The following HS6ST1 variants were observed in gnomAD, a reference collection of about 807,000 sequenced individuals.
HS6ST1 encodes heparan sulfate 6-O-sulfotransferase 1.
A neutral mutation model predicts 25.2 loss-of-function variants in HS6ST1; 3 were observed. That is an observed-to-expected ratio of 0.12 (90% CI 0.05 to 0.31). HS6ST1 has a LOEUF of 0.31. HS6ST1 is among the 10% of genes least tolerant of loss of function. The pLI, the probability that HS6ST1 is intolerant of heterozygous loss-of-function variation, is 1.00. For synonymous variants in HS6ST1, 204 were observed against 275.1 expected (o/e 0.74, Z 2.56); for missense variants, 310 against 609.6 (o/e 0.51, Z 5.18).
At chr2:128,294,478 G>A (rs1359996471) in intron 1 of HS6ST1, among the ~76,000 whole-genome samples, 1 of 152,218 alleles carries the variant, frequency 6.6e-6, no homozygotes, top group East Asian at 1.9e-4. Context: ...GCCTGTCAGA[G>A]TCAAGAGGCG....
intron 1 of HS6ST1, among the ~76,000 whole-genome samples, chr2:128,302,800 G>C (rs1380978320): frequency 6.6e-6 from 1 of 152,112 alleles, no homozygotes; most frequent in African/African-American, 2.4e-5. Flanking sequence ...GGCCTCTTCC[G>C]CAACGGCCCC....
chr2:128,307,158 C>T (rs1455599342), intron 1 of HS6ST1, among the ~76,000 whole-genome samples: 2 of 152,150 alleles, frequency 1.3e-5, no homozygotes. Flanking sequence ...CTGTGAGGGG[C>T]CCTGGCACGT....
intron 1 of HS6ST1, among the ~76,000 whole-genome samples, chr2:128,294,055 C>A (rs1217006971): frequency 2.0e-5 from 3 of 152,104 alleles, no homozygotes; most frequent in East Asian, 3.9e-4. Context: ...GAGGGCAGGG[C>A]CCTGCCCTCT....
intron 1 of HS6ST1, among the ~76,000 whole-genome samples, chr2:128,290,376 G>C (rs1693933804): frequency 6.6e-6 from 1 of 151,910 alleles, no homozygotes; most frequent in Non-Finnish European, 1.5e-5. Context: ...TACCGAAGTT[G>C]GACAAATGCA....
chr2:128,291,730 T>C (rs912030500), intron 1 of HS6ST1, among the ~76,000 whole-genome samples: 1 of 152,190 alleles, frequency 6.6e-6, no homozygotes, highest in Non-Finnish European at 1.5e-5. Flanking sequence ...CTGCTTTCCA[T>C]CACTTGGCCC....
rs1693505301 is a variant in HS6ST1 at position 128,266,011 on chromosome 2, AAATGCAGCGAAGAGACTGAGACAAG to A, written c.*2126_*2150del. On this transcript the variant is annotated 3_prime_UTR_variant, in exon 2 of 2. Transcript: ENST00000259241. ...CTGGCCCGAGAGGAGACTGCTTTCC[AAATGCAGCGAAGAGACTGAGACAAG>A]ACCCGTGCTTCCGTGTGAGTTGGGA... 3 of 151,414 alleles carry A rather than the reference AAATGCAGCGAAGAGACTGAGACAAG, an allele frequency of 2.0e-5. No homozygotes were observed. 9.4% of individuals were successfully genotyped at this position (151,414 alleles called of 1,614,324 possible). A position where few individuals can be genotyped will look rare whatever the true frequency, so the allele number is the denominator to read the frequency against.
At chr2:128,286,256 C>A (rs1002053101) in intron 1 of HS6ST1, among the ~76,000 whole-genome samples, 8 of 152,246 alleles carry the variant, frequency 5.3e-5, no homozygotes, top group Non-Finnish European at 1.5e-5. Flanking sequence ...CTATTCCTCC[C>A]TCCCAGGGGG....
chr2:128,270,387 C>T (rs13427836), intron 1 of HS6ST1, among the ~76,000 whole-genome samples: 17,243 of 152,280 alleles, frequency 0.11, 1,241 homozygotes, highest in Non-Finnish European at 0.15. Context: ...CCACTTCACA[C>T]GTCCCAAGGC....
chr2:128,310,152 C>G (rs1301011683), intron 1 of HS6ST1, among the ~76,000 whole-genome samples: 1 of 152,220 alleles, frequency 6.6e-6, no homozygotes, highest in Non-Finnish European at 1.5e-5. Flanking sequence ...GAAGCCCACC[C>G]AACACACAGC....
intron 1 of HS6ST1, among the ~76,000 whole-genome samples, chr2:128,270,692 G>C (rs369463015): frequency 1.3e-5 from 2 of 152,288 alleles, no homozygotes; most frequent in South Asian, 4.1e-4. Context: ...GGAGGCATAG[G>C]GCCGCATGGA....
At chr2:128,305,326 C>A (rs75174932) in intron 1 of HS6ST1, among the ~76,000 whole-genome samples, 1 of 152,230 alleles carries the variant, frequency 6.6e-6, no homozygotes, top group Non-Finnish European at 1.5e-5. Flanking sequence ...TCCCGATGGG[C>A]CTGCTTGGAC....
At chr2:128,292,408 C>G (rs1347869974) in intron 1 of HS6ST1, among the ~76,000 whole-genome samples, 1 of 152,222 alleles carries the variant, frequency 6.6e-6, no homozygotes, top group East Asian at 1.9e-4. Context: ...GCAGGGACGC[C>G]CACACCAGTC....
At chr2:128,317,163 C>A (rs1694383827) in intron 1 of HS6ST1, among the ~76,000 whole-genome samples, 1 of 152,236 alleles carries the variant, frequency 6.6e-6, no homozygotes, top group African/African-American at 2.4e-5. Context: ...AACCCAGCAG[C>A]ACCCCAGGTT....
intron 1 of HS6ST1, among the ~76,000 whole-genome samples, chr2:128,300,515 T>C (rs983515262): frequency 1.3e-5 from 2 of 152,180 alleles, no homozygotes; most frequent in Non-Finnish European, 2.9e-5. Flanking sequence ...ATCTCTGGGT[T>C]CTTGGGCCCT....
chr2:128,300,373 G>A (rs6431010), intron 1 of HS6ST1, among the ~76,000 whole-genome samples: 87,151 of 152,022 alleles, frequency 0.57, 25,892 homozygotes, highest in East Asian at 0.79. Flanking sequence ...CCAAACCAGC[G>A]CCGCCTTGGG....
At chr2:128,300,413 A>G in intron 1 of HS6ST1, among the ~76,000 whole-genome samples, 1 of 152,158 alleles carries the variant, frequency 6.6e-6, no homozygotes, top group South Asian at 2.1e-4. Flanking sequence ...TGGCTTCCAC[A>G]GTACGCCTGC....
At chr2:128,317,659 C>T (rs1307419387) in intron 1 of HS6ST1, among the ~76,000 whole-genome samples, 2 of 152,240 alleles carry the variant, frequency 1.3e-5, no homozygotes, top group Non-Finnish European at 2.9e-5. Context: ...TCCAGGTAGG[C>T]CACGCACACA....
intron 1 of HS6ST1, 118 bp from the exon 2 acceptor site, chr2:128,268,988 C>A: frequency 1.3e-6 from 1 of 776,522 alleles, no homozygotes; most frequent in Non-Finnish European, 2.2e-6. Flanking sequence ...TAATGCCAAC[C>A]AACTCCTGCA....
chr2:128,311,676 T>C (rs940416993), intron 1 of HS6ST1, among the ~76,000 whole-genome samples: 1 of 151,710 alleles, frequency 6.6e-6, no homozygotes, highest in African/African-American at 2.4e-5. Flanking sequence ...AGCTGAGGGG[T>C]TGGGGAGACT....
Sources: allele counts gnomAD v4.1 joint callset (sites outside exome capture counted in the v4.1 genomes callset), GRCh38; gene constraint gnomAD v4.1.1; transcripts MANE v1.5; gene names NCBI Gene and HGNC (gene_info 2026-07-23, HGNC 2026-07-21).